Variants in UBE2O observed in about 807,000 individuals in gnomAD.
The protein encoded by UBE2O is (E3-independent) E2 ubiquitin-conjugating enzyme.
Under a neutral mutation model 125.8 loss-of-function variants are expected in UBE2O, and 15 were observed. That is an observed-to-expected ratio of 0.12 (90% confidence interval 0.08 to 0.18). The LOEUF (loss-of-function observed/expected upper bound fraction) is 0.18. Ranked by LOEUF, UBE2O falls within the 10% of genes least tolerant of loss-of-function variation. UBE2O has a pLI of 1.00. For synonymous variants in UBE2O, 708 were observed against 703.2 expected, an observed-to-expected ratio of 1.01 and a Z score of -0.11; for missense variants, 1,280 against 1,723.6, an observed-to-expected ratio of 0.74 and a Z score of 4.56.
At chr17:76,431,765 T>A (rs2072912202) in intron 1 of UBE2O, among the ~76,000 whole-genome samples, 1 of 152,186 alleles carries the variant, frequency 6.6e-6, no homozygotes, top group Non-Finnish European at 1.5e-5. Context: ...CAAGACTCCA[T>A]CTCTATGAAA....
rs1014749918 is a variant in UBE2O, at chr17:76,405,051, C to T, written c.588+155G>A. Among the ~76,000 whole-genome samples, 2 of 152,110 alleles carry T rather than the reference C, an allele frequency of 1.3e-5. No individual in the cohort carries two copies. The highest frequency in any genetic ancestry group is 1.3e-4 in the Admixed American group (2 of 15,280). On this transcript the variant is annotated intron_variant, in intron 3 of 17. Transcript: ENST00000319380. This position sits in a 1 kb window ranked among gnomAD's most constrained non-coding sequence, Gnocchi z 6.1. ...ATGGCTTACTTGAAAGCAGCGAAAACAAGGCTACAGGAGCCAGCTGGCTGC... is the reference window on the plus strand; with the variant it reads ...ATGGCTTACTTGAAAGCAGCGAAAATAAGGCTACAGGAGCCAGCTGGCTGC...
In UBE2O at chr17:76,452,634, C is replaced by G. The variant is rs2073272494; in HGVS notation, c.417+91G>C. ...CGTCGGCCACTGCAGTGGCACCGCT[C>G]CGGGCAGGGCCCTGCACGCCGTCCT... On this transcript the variant is annotated intron_variant, in intron 1 of 17. Transcript: ENST00000319380. This position sits in a 1 kb window ranked among gnomAD's most constrained non-coding sequence, Gnocchi z 4.4. 3 of 1,219,564 alleles carry G rather than the reference C, an allele frequency of 2.5e-6. No homozygotes were observed. Among genetic ancestry groups the G allele is most frequent in the Non-Finnish European group, 3.1e-6 (3 of 958,372 alleles). The allele number at this position is 1,219,564 out of a possible 1,614,324, so 75.5% of individuals were successfully genotyped here.
intron 1 of UBE2O, among the ~76,000 whole-genome samples, chr17:76,421,297 A>G (rs2072706270): frequency 6.6e-6 from 1 of 152,200 alleles, no homozygotes; most frequent in East Asian, 1.9e-4. Context: ...ATTCTTCCAG[A>G]TACTGAAACA....
At chr17:76,393,089 T>G (rs1397345446) in intron 15 of UBE2O, among the ~76,000 whole-genome samples, 1 of 151,176 alleles carries the variant, frequency 6.6e-6, no homozygotes, top group Admixed American at 6.6e-5. Flanking sequence ...TGGGACCCTA[T>G]CTCTACAAAA....
rs202208955 is a variant in UBE2O, at chr17:76,395,902, C to A, written c.2810-41G>T. The A allele has an allele frequency of 2.5e-4, 399 of 1,610,898 alleles. 3 individuals carry two copies. The Middle Eastern group carries it at 2.6e-3, about 11-fold the overall frequency. On this transcript the variant is annotated intron_variant, in intron 14 of 17. Transcript: ENST00000319380. The surrounding 1 kb of genome is among the most constrained non-coding windows in gnomAD (Gnocchi z 5.0). ...GAATAGTCAGTCCCTCATGGAGAGG[C>A]CCTGGAGCTCCATCTGCCAACCTGG...
At position 76,400,064 on chromosome 17, in the gene UBE2O, GCA is replaced by G; in HGVS notation, c.1155+81_1155+82del. The G allele has an allele frequency of 1.9e-6, 3 of 1,557,612 alleles. No individual in the cohort carries two copies. The South Asian group carries it at 3.7e-5, about 19-fold the overall frequency. On this transcript the variant is annotated intron_variant, in intron 8 of 17. Coordinates refer to ENST00000319380, the MANE Select transcript of UBE2O (RefSeq NM_022066.4). This position sits in a 1 kb window ranked among gnomAD's most constrained non-coding sequence, Gnocchi z 4.3. ...TCAGGGCTGCCCCCCAAGGCCTAAAGCACAGACTGTCCTTCTTGGCCATGGAA... is the reference window on the plus strand; with the variant it reads ...TCAGGGCTGCCCCCCAAGGCCTAAAGCAGACTGTCCTTCTTGGCCATGGAA...
chr17:76,444,650 C>A (rs2073126182), intron 1 of UBE2O, among the ~76,000 whole-genome samples: 1 of 152,136 alleles, frequency 6.6e-6, no homozygotes, highest in Non-Finnish European at 1.5e-5. Context: ...AGAGGTTAGA[C>A]AGAAAATGAC....
intron 1 of UBE2O, among the ~76,000 whole-genome samples, chr17:76,419,397 G>C (rs938296187): frequency 6.6e-6 from 1 of 151,990 alleles, no homozygotes; most frequent in South Asian, 2.1e-4. Context: ...TGCTGATATG[G>C]GGGTGTAATG....
chr17:76,422,018 A>G (rs772658630), intron 1 of UBE2O, among the ~76,000 whole-genome samples: 2 of 152,218 alleles, frequency 1.3e-5, no homozygotes, highest in Non-Finnish European at 2.9e-5. Context: ...GATGTCTCAA[A>G]GGATCTGCTG....
chr17:76,452,039 C>G lies in UBE2O; in HGVS notation c.417+686G>C, dbSNP rs145528320. ...ACCCAGGGTTCTGGATTATTTTTTT[C>G]AAGGAGTCCATATGCACTTAGGAGT... is the stretch of plus-strand genomic sequence containing the variant. On this transcript the variant is annotated intron_variant, in intron 1 of 17. Coordinates refer to ENST00000319380, the MANE Select transcript of UBE2O (RefSeq NM_022066.4). This position sits in a 1 kb window ranked among gnomAD's most constrained non-coding sequence, Gnocchi z 4.4. Among the ~76,000 whole-genome samples, 105 of 152,130 alleles carry G rather than the reference C, an allele frequency of 6.9e-4. No homozygotes were observed. The highest frequency in any genetic ancestry group is 2.4e-3 in the African/African-American group (101 of 41,506).
At chr17:76,415,330 CTT>C (rs1432447379) in intron 1 of UBE2O, among the ~76,000 whole-genome samples, 1 of 152,220 alleles carries the variant, frequency 6.6e-6, no homozygotes, top group African/African-American at 2.4e-5. Flanking sequence ...AGGCACCACT[CTT>C]GTTCTCATTC....
intron 1 of UBE2O, among the ~76,000 whole-genome samples, chr17:76,445,063 G>C (rs1005004868): frequency 6.6e-6 from 1 of 152,232 alleles, no homozygotes; most frequent in African/African-American, 2.4e-5. Context: ...GAATTAAAAG[G>C]AGGAGGAAGA....
chr17:76,399,865 G>C lies in UBE2O; in HGVS notation c.1212C>G (p.Thr404=). 6.2e-7 allele frequency: 1 copy of C among 1,613,568 alleles called. No homozygotes were observed. Among genetic ancestry groups the C allele is most frequent in the Non-Finnish European group, 8.5e-7 (1 of 1,179,790 alleles). The change falls in exon 9 of 18, where the codon ACC becomes ACG. Residue 404 remains threonine, a synonymous_variant. Transcript: ENST00000319380. The surrounding 1 kb of genome is among the most constrained non-coding windows in gnomAD (Gnocchi z 6.9). ...CCATGGAATGGTCCCGGGAACACTGGGTGTCTGGGGAGCATGACATGATCC... is the reference window on the plus strand; with the variant it reads ...CCATGGAATGGTCCCGGGAACACTGCGTGTCTGGGGAGCATGACATGATCC... ...VVRIMSCSPD[T]QCSRDHSMED... is the part of the protein sequence containing the mutation.
At chr17:76,401,871 C>G in intron 5 of UBE2O, 193 bp downstream of exon 5, 1 of 386,066 alleles carries the variant, frequency 2.6e-6, no homozygotes, top group Non-Finnish European at 4.4e-6. Context: ...GAGACTCTGT[C>G]TCAAAAAAAA....
chr17:76,399,427 A>C lies in UBE2O; in HGVS notation c.1628+22T>G. ...TGGCTTCACGCTGACGCCATTGGGG[A>C]GGGGCACAACTCTGAGTTTACCTGT... On this transcript the variant is annotated intron_variant, in intron 9 of 17. Transcript: ENST00000319380. The surrounding 1 kb of genome is among the most constrained non-coding windows in gnomAD (Gnocchi z 6.9). The C allele has an allele frequency of 6.2e-7, 1 of 1,605,960 alleles. No individual in the cohort carries two copies. Among genetic ancestry groups the C allele is most frequent in the African/African-American group, 1.3e-5 (1 of 74,778 alleles).
intron 1 of UBE2O, among the ~76,000 whole-genome samples, chr17:76,451,865 T>C (rs140057447): frequency 2.0e-5 from 3 of 151,914 alleles, no homozygotes; most frequent in African/African-American, 7.2e-5. Context: ...GGGTTCAAGG[T>C]TTCGGGTTTA....
At chr17:76,419,337 T>C (rs1207024857) in intron 1 of UBE2O, among the ~76,000 whole-genome samples, 3 of 150,176 alleles carry the variant, frequency 2.0e-5, no homozygotes, top group African/African-American at 7.4e-5. Flanking sequence ...AAATATACTC[T>C]GACTACTTAG....
chr17:76,425,386 A>G (rs1437843157), intron 1 of UBE2O, among the ~76,000 whole-genome samples: 3 of 152,122 alleles, frequency 2.0e-5, no homozygotes, highest in Non-Finnish European at 1.5e-5. Context: ...ATAGTACTAA[A>G]AGGCTTAACA....
At chr17:76,442,771 T>C (rs1424534739) in intron 1 of UBE2O, among the ~76,000 whole-genome samples, 2 of 152,114 alleles carry the variant, frequency 1.3e-5, no homozygotes, top group African/African-American at 2.4e-5. Context: ...AGGCGATCAC[T>C]TGGGAGGTCA....
Sources: gnomAD v4.1 joint callset for allele counts (sites outside exome capture counted in the v4.1 genomes callset) on GRCh38, gnomAD v4.1.1 for gene constraint, Gnocchi (gnomAD v3.1) non-coding constraint, MANE v1.5 for transcripts, NCBI Gene and HGNC (gene_info 2026-07-23, HGNC 2026-07-21) for gene names.